The following BACH2 variants were observed in gnomAD, a reference collection of about 807,000 sequenced individuals.
BACH2 encodes BACH transcriptional regulator 2, also known as transcription regulator protein BACH2.
Under a neutral mutation model 61.8 loss-of-function variants are expected in BACH2, and 5 were observed. That is an observed-to-expected ratio of 0.08 (90% confidence interval 0.04 to 0.17). The LOEUF is 0.17. Among genes scored for constraint, BACH2 ranks in the 10% least tolerant of loss-of-function variants. BACH2 has a pLI of 1.00. For synonymous variants in BACH2, 446 were observed against 440.1 expected, an observed-to-expected ratio of 1.01 and a Z score of -0.17; for missense variants, 824 against 1,091.1, an observed-to-expected ratio of 0.76 and a Z score of 3.45.
At position 90,165,560 on chromosome 6, in the gene BACH2, T is replaced by C. The variant is rs552274071; in HGVS notation, c.-162+41009A>G. On this transcript the variant is annotated intron_variant, in intron 4 of 8. Coordinates refer to ENST00000257749, the MANE Select transcript of BACH2 (RefSeq NM_021813.4). ...TTCACAGAATTGGAAAAAACTACTT[T>C]CAAGTTCATATGGAACCAAAAAAGA... Among the ~76,000 whole-genome samples the C allele has an allele frequency of 1.6e-4, 24 of 152,184 alleles. 1 individual carries two copies. In the South Asian group the frequency reaches 3.9e-3, roughly 25 times the overall value.
intron 4 of BACH2, among the ~76,000 whole-genome samples, chr6:90,146,359 CTT>C (rs1226663233): frequency 2.8e-4 from 42 of 152,374 alleles, no homozygotes; most frequent in African/African-American, 9.4e-4. Context: ...CACTCTCTCT[CTT>C]GCGTGCGTGT....
chr6:90,042,941 A>G (rs1173225799), intron 5 of BACH2, among the ~76,000 whole-genome samples: 5 of 152,218 alleles, frequency 3.3e-5, no homozygotes, highest in African/African-American at 4.8e-5. Context: ...AGGAAGCATA[A>G]GAGTGGCAAC....
At chr6:90,183,471 T>C (rs1234568387) in intron 4 of BACH2, among the ~76,000 whole-genome samples, 2 of 152,214 alleles carry the variant, frequency 1.3e-5, no homozygotes, top group Admixed American at 6.5e-5. Context: ...TGATCTAGCA[T>C]AGATTTAAGC....
chr6:90,121,366 C>T (rs1490764363), intron 4 of BACH2, among the ~76,000 whole-genome samples: 1 of 152,030 alleles, frequency 6.6e-6, no homozygotes, highest in Non-Finnish European at 1.5e-5. Flanking sequence ...AGCCTGGAAC[C>T]CTGGGAAGCT....
chr6:90,023,157 A>C (rs1778463895), intron 5 of BACH2, among the ~76,000 whole-genome samples: 2 of 152,234 alleles, frequency 1.3e-5, no homozygotes, highest in South Asian at 4.1e-4. Context: ...AAATTCAAAA[A>C]TGGATAAAAA....
At position 89,932,651 on chromosome 6, in the gene BACH2, T is replaced by C. The variant is rs745724297; in HGVS notation, c.2283A>G (p.Ala761=). The change falls in exon 9 of 9, where the codon GCA becomes GCG. Residue 761 remains alanine (A), a synonymous_variant. Coordinates refer to ENST00000257749, the MANE Select transcript of BACH2 (RefSeq NM_021813.4). ...AGCAGCAGGGCACGTTTTCCCCCAC[T>C]GCGCATTGGGAGGCCGCAATGTTCT... The part of the protein sequence containing the change: ...AEQNIAASQC[A]VGENVPCCLE... 1.9e-6 allele frequency: 3 copies of C among 1,614,138 alleles called. No individual in the cohort carries two copies. The East Asian group carries it at 6.7e-5, about 36-fold the overall frequency.
chr6:90,051,283 T>C (rs1169661803), intron 5 of BACH2, among the ~76,000 whole-genome samples: 1 of 152,228 alleles, frequency 6.6e-6, no homozygotes, highest in Non-Finnish European at 1.5e-5. Flanking sequence ...TTGATATATA[T>C]TGTATATTGA....
chr6:90,261,306 C>G (rs1424805095), intron 2 of BACH2, among the ~76,000 whole-genome samples: 1 of 152,162 alleles, frequency 6.6e-6, no homozygotes, highest in Admixed American at 6.5e-5. Flanking sequence ...TCTCCTTCTT[C>G]TTCCTGTCTA....
chr6:90,017,525 T>C (rs1054939058), intron 5 of BACH2, among the ~76,000 whole-genome samples: 6 of 152,134 alleles, frequency 3.9e-5, no homozygotes, highest in African/African-American at 7.2e-5. Context: ...CCTAGCCACA[T>C]TGGTTATTTT....
At chr6:89,979,334 T>C (rs1412483438) in intron 6 of BACH2, among the ~76,000 whole-genome samples, 2 of 152,192 alleles carry the variant, frequency 1.3e-5, no homozygotes, top group African/African-American at 4.8e-5. Context: ...ATGGCTATTG[T>C]GTTGGCCTGG....
intron 2 of BACH2, among the ~76,000 whole-genome samples, chr6:90,269,413 C>T (rs1367559842): frequency 6.6e-6 from 1 of 152,132 alleles, no homozygotes; most frequent in Non-Finnish European, 1.5e-5. Context: ...TTTGTACATA[C>T]AAATTTCTTC....
chr6:90,144,851 G>A (rs78659720), intron 4 of BACH2, among the ~76,000 whole-genome samples: 5 of 152,238 alleles, frequency 3.3e-5, no homozygotes, highest in African/African-American at 4.8e-5. Context: ...CCCAGAGAGC[G>A]ATCATCCGTG....
At chr6:90,098,193 C>T (rs1782458914) in intron 4 of BACH2, among the ~76,000 whole-genome samples, 1 of 152,168 alleles carries the variant, frequency 6.6e-6, no homozygotes, top group Non-Finnish European at 1.5e-5. Flanking sequence ...GTTTTAAAGT[C>T]TTGGCACAGA....
In BACH2 at chr6:90,021,866, G is replaced by A. The variant is rs1039280343; in HGVS notation, c.-12-13010C>T. ...TAAAGTAAGGGCCCTGACTGACATG[G>A]AGCAGCTAAAACGTTTTGTGTTCCT... is the stretch of plus-strand genomic sequence containing the variant. On this transcript the variant is annotated intron_variant, in intron 5 of 8. Coordinates refer to ENST00000257749, the MANE Select transcript of BACH2 (RefSeq NM_021813.4). Among the ~76,000 whole-genome samples the A allele has an allele frequency of 9.2e-5, 14 of 152,284 alleles. No individual in the cohort carries two copies. In the East Asian group the frequency reaches 1.4e-3, roughly 15 times the overall value.
intron 4 of BACH2, among the ~76,000 whole-genome samples, chr6:90,196,081 G>A (rs1258173610): frequency 4.0e-5 from 6 of 151,176 alleles, no homozygotes; most frequent in East Asian, 3.9e-4. Flanking sequence ...TGAAGGTAGC[G>A]AGAGAATGAG....
chr6:89,961,632 A>G (rs1226009890), intron 6 of BACH2, among the ~76,000 whole-genome samples: 1 of 152,208 alleles, frequency 6.6e-6, no homozygotes, highest in Non-Finnish European at 1.5e-5. Flanking sequence ...GCTTCCAGTG[A>G]TGAGAAGTTT....
At chr6:90,011,930 ATATGTGTGTGTGTGTGTG>A (rs1218593167) in intron 5 of BACH2, among the ~76,000 whole-genome samples, 374 of 98,766 alleles carry the variant, frequency 3.8e-3, no homozygotes, top group African/African-American at 6.3e-3. Context: ...AAAAAAAAAA[ATATGTGTGTGTGTGTGTG>A]TGTGTGTGTG....
At chr6:90,207,655 A>T (rs1359622120) in intron 3 of BACH2, among the ~76,000 whole-genome samples, 1 of 152,160 alleles carries the variant, frequency 6.6e-6, no homozygotes, top group Non-Finnish European at 1.5e-5. Flanking sequence ...CTGGAACTGC[A>T]GTGCTTTTAA....
intron 6 of BACH2, among the ~76,000 whole-genome samples, chr6:89,962,124 T>A (rs1162633254): frequency 6.6e-6 from 1 of 152,250 alleles, no homozygotes; most frequent in Non-Finnish European, 1.5e-5. Context: ...TTTGACACTT[T>A]CCTTAGCTCC....
Sources: allele counts gnomAD v4.1 joint callset (sites outside exome capture counted in the v4.1 genomes callset), GRCh38; gene constraint gnomAD v4.1.1; transcripts MANE v1.5; gene names NCBI Gene and HGNC (gene_info 2026-07-23, HGNC 2026-07-21).